Variants in PADI6 observed in about 807,000 individuals in gnomAD.
PADI6 encodes the protein inactive protein-arginine deiminase type-6.
Under a neutral mutation model 78.2 loss-of-function variants are expected in PADI6, and 66 were observed. The observed-to-expected ratio is 0.84, with a 90% CI of 0.69 to 1.04. The LOEUF (loss-of-function observed/expected upper bound fraction) is 1.04. PADI6 is among the 50% of genes least tolerant of loss of function. PADI6 has a pLI of 0.00. For missense variants in PADI6, 854 were observed against 866.1 expected, an observed-to-expected ratio of 0.99 and a Z score of 0.18; for synonymous variants, 397 against 346.9, an observed-to-expected ratio of 1.14 and a Z score of -1.60.
intron 6 of PADI6, 101 bp downstream of exon 6, chr1:17,382,193 G>A (rs150265019): frequency 1.2e-5 from 17 of 1,430,450 alleles, no homozygotes; most frequent in Admixed American, 8.6e-5. Flanking sequence ...GAAGCCTGCT[G>A]GAGACCTAGA....
chr1:17,384,068 G>A (rs922960401), intron 6 of PADI6, among the ~76,000 whole-genome samples: 1 of 151,486 alleles, frequency 6.6e-6, no homozygotes, highest in African/African-American at 2.4e-5. Context: ...GAGTGAACCT[G>A]GGAGGCAGAG....
intron 15 of PADI6, among the ~76,000 whole-genome samples, chr1:17,399,179 C>G (rs530840594): frequency 6.6e-6 from 1 of 152,178 alleles, no homozygotes; most frequent in Admixed American, 6.5e-5. Flanking sequence ...AACCCAGAGT[C>G]GAGGTTGCCG....
chr1:17,388,526 C>G lies in PADI6; in HGVS notation c.825C>G (p.Tyr275Ter). ...PSAEFSGLIS[Y>*]SVSLVEESQD... is the part of the protein sequence containing the mutation. ...CCGAATTCTCAGGCCTCATCTCCTACTCTGTGTCCCTGGTGGAGGAGTCTC... is the reference window on the plus strand; with the variant it reads ...CCGAATTCTCAGGCCTCATCTCCTAGTCTGTGTCCCTGGTGGAGGAGTCTC... Residue 275 changes from tyrosine to a stop codon, truncating the protein, a stop_gained, in exon 7 of 16, where the codon TAC (tyrosine) becomes TAG (stop). Coordinates refer to ENST00000619609, the MANE Select transcript of PADI6 (RefSeq NM_207421.4). LOFTEE classifies it high-confidence loss of function. The G allele has an allele frequency of 6.2e-7, 1 of 1,613,142 alleles. No homozygotes were observed. The highest frequency in any genetic ancestry group is 2.2e-5 in the East Asian group (1 of 44,882).
At position 17,397,227 on chromosome 1, in the gene PADI6, G is replaced by A. The variant is rs2075255968; in HGVS notation, c.1689+86G>A. On this transcript the variant is annotated intron_variant, in intron 14 of 15. Transcript: ENST00000619609. ...AAGGTTTCCACCCACCCCTCCTGAG[G>A]GGTGAAGTGTTGGGCGGCGGGGGGC... The A allele has an allele frequency of 5.4e-6, 8 of 1,484,132 alleles. No homozygotes were observed. The Admixed American group carries it at 1.4e-4, about 27-fold the overall frequency. The allele number at this position is 1,484,132 out of a possible 1,614,324, so 91.9% of individuals were successfully genotyped here. A position where few individuals can be genotyped will look rare whatever the true frequency, so the allele number is the denominator to read the frequency against.
chr1:17,377,836 C>T (rs1450998008), intron 3 of PADI6, among the ~76,000 whole-genome samples: 1 of 152,180 alleles, frequency 6.6e-6, no homozygotes, highest in Admixed American at 6.5e-5. Context: ...GACCTCTAGC[C>T]TTGATCCAGC....
chr1:17,380,905 T>G (rs2075066503), intron 4 of PADI6, 142 bp from the exon 5 acceptor site: 3 of 618,822 alleles, frequency 4.8e-6, no homozygotes, highest in Non-Finnish European at 8.2e-6. Flanking sequence ...TGCCTACAGA[T>G]TCTTGACCTC....
chr1:17,396,804 C>A (rs1283181140), intron 13 of PADI6, among the ~76,000 whole-genome samples: 1 of 152,246 alleles, frequency 6.6e-6, no homozygotes. Context: ...GTCCCTCAGC[C>A]TGGCACAGGC....
chr1:17,388,705 C>G (rs547554652), intron 7 of PADI6, 72 bp from the exon 8 acceptor site: 19 of 1,518,140 alleles, frequency 1.3e-5, no homozygotes, highest in Admixed American at 1.9e-5. Flanking sequence ...ACTGAACGGC[C>G]GGAACCCTGG....
In PADI6 at chr1:17,377,277, G is replaced by A. The variant is rs141309835; in HGVS notation, c.367+1778G>A. Among the ~76,000 whole-genome samples the A allele has an allele frequency of 9.3e-5, 14 of 151,046 alleles. No homozygotes were observed. The East Asian group carries it at 2.5e-3, about 27-fold the overall frequency. ...TGCTGGAGTTACAGGCATGAGCCAC[G>A]TACCTGCTGGTCAATCCCCTCTTAA... On this transcript the variant is annotated intron_variant, in intron 3 of 15. Transcript: ENST00000619609.
chr1:17,384,354 G>A (rs1454087272), intron 6 of PADI6, among the ~76,000 whole-genome samples: 1 of 152,192 alleles, frequency 6.6e-6, no homozygotes, highest in African/African-American at 2.4e-5. Context: ...AGCACTTTGG[G>A]AGGCCAAGGC....
intron 13 of PADI6, 141 bp downstream of exon 13, chr1:17,395,804 C>T (rs758012550): frequency 1.7e-5 from 20 of 1,180,196 alleles, no homozygotes; most frequent in Non-Finnish European, 1.9e-5. Flanking sequence ...ATTAGAACGT[C>T]TTATTTCTGG....
chr1:17,381,990 ACT>A lies in PADI6; in HGVS notation c.580_581del (p.Leu194GlufsTer40). The A allele has an allele frequency of 6.2e-7, 1 of 1,613,740 alleles. No individual in the cohort carries two copies. Among genetic ancestry groups the A allele is most frequent in the Non-Finnish European group, 8.5e-7 (1 of 1,179,848 alleles). ...SEEITNLSQM[T>X]LNVQGPSCIL... ...AGAAATAACGAATCTGTCCCAGATGACTCTGAATGTCCAAGGCCCCAGCTGTA... is the reference window on the plus strand; with the variant it reads ...AGAAATAACGAATCTGTCCCAGATGACTGAATGTCCAAGGCCCCAGCTGTA... On this transcript the variant is annotated frameshift_variant, in exon 6 of 16. Transcript: ENST00000619609. LOFTEE classifies it high-confidence loss of function.
chr1:17,394,665 A>G (rs2075227741), intron 11 of PADI6, among the ~76,000 whole-genome samples: 1 of 152,106 alleles, frequency 6.6e-6, no homozygotes, highest in Non-Finnish European at 1.5e-5. Context: ...AAACAAGTGA[A>G]ATTTGGTCCA....
intron 14 of PADI6, among the ~76,000 whole-genome samples, chr1:17,398,395 G>T (rs1348625387): frequency 6.6e-6 from 1 of 152,164 alleles, no homozygotes; most frequent in Non-Finnish European, 1.5e-5. Context: ...GGAGATGCCT[G>T]GGTATTGGGC....
In PADI6 at chr1:17,397,152, T is replaced by C. The variant is rs1206124393; in HGVS notation, c.1689+11T>C. On this transcript the variant is annotated intron_variant, in intron 14 of 15. Transcript: ENST00000619609. ...AATGAATACGTGGAGGTAGGACCAG[T>C]GTGAAGGGGGCCATCCCCAAGAAAG... is the stretch of plus-strand genomic sequence containing the variant. 10 of 1,613,098 alleles carry C rather than the reference T, an allele frequency of 6.2e-6. No homozygotes were observed. Among genetic ancestry groups the C allele is most frequent in the Middle Eastern group, 1.6e-4 (1 of 6,080 alleles).
chr1:17,382,521 G>A (rs2075083023), intron 6 of PADI6, among the ~76,000 whole-genome samples: 1 of 152,184 alleles, frequency 6.6e-6, no homozygotes, highest in East Asian at 1.9e-4. Context: ...AACCTCTAGA[G>A]CGGCAGCCAC....
intron 3 of PADI6, among the ~76,000 whole-genome samples, chr1:17,379,533 G>T (rs2075052205): frequency 6.6e-6 from 1 of 152,166 alleles, no homozygotes. Flanking sequence ...GGGATTATAG[G>T]AGTGAGCCAC....
intron 8 of PADI6, among the ~76,000 whole-genome samples, chr1:17,391,000 C>T (rs1199119826): frequency 6.6e-6 from 1 of 152,184 alleles, no homozygotes; most frequent in Non-Finnish European, 1.5e-5. Context: ...TGGTAGCTCC[C>T]TGTGGCTTTG....
At position 17,373,053 on chromosome 1, in the gene PADI6, C is replaced by G. The variant is rs1486271665; in HGVS notation, c.117-3C>G. The stretch of plus-strand genomic sequence containing the variant: ...GACGCGTGTCTCTTACCGGGCAAAC[C>G]AGGTGTGCCCCCCAGAAGTGCCAGT... On this transcript the variant is annotated splice_region_variant and splice_polypyrimidine_tract_variant and intron_variant, in intron 1 of 15. Transcript: ENST00000619609. 1 of 1,612,516 alleles carries G rather than the reference C, an allele frequency of 6.2e-7. No homozygotes were observed. The highest frequency in any genetic ancestry group is 1.3e-5 in the African/African-American group (1 of 74,878).
Sources: allele counts gnomAD v4.1 joint callset (sites outside exome capture counted in the v4.1 genomes callset), GRCh38; gene constraint gnomAD v4.1.1; transcripts MANE v1.5; gene names NCBI Gene and HGNC (gene_info 2026-07-23, HGNC 2026-07-21).